DCHS2: variants seen among roughly 807,000 people sequenced by gnomAD.
DCHS2 encodes dachsous cadherin-related 2, also known as protocadherin-23.
A neutral mutation model predicts 182.4 loss-of-function variants in DCHS2; 142 were observed. That is an observed-to-expected ratio of 0.78 (90% CI 0.68 to 0.89). The LOEUF (loss-of-function observed/expected upper bound fraction) is 0.89, where lower values mean the gene tolerates loss of function less well. Ranked by LOEUF, DCHS2 falls within the 40% of genes least tolerant of loss-of-function variation. The probability of loss-of-function intolerance (pLI) is 0.00; values close to 1 mark genes in which losing one functional copy is unlikely to be tolerated. For missense variants in DCHS2, 4,319 were observed against 4,198.6 expected, an observed-to-expected ratio of 1.03 and a Z score of -0.79; for synonymous variants, 1,740 against 1,663.3, an observed-to-expected ratio of 1.05 and a Z score of -1.12.
At chr4:154,306,331 A>T (rs1578943901) in intron 10 of DCHS2, among the ~76,000 whole-genome samples, 1 of 152,252 alleles carries the variant, frequency 6.6e-6, no homozygotes, top group East Asian at 1.9e-4. Context: ...GAGGTCACCA[A>T]AATGTTTCAT....
intron 10 of DCHS2, among the ~76,000 whole-genome samples, chr4:154,307,138 T>C (rs1735467598): frequency 6.6e-6 from 1 of 152,200 alleles, no homozygotes; most frequent in African/African-American, 2.4e-5. Context: ...TATTTTACTA[T>C]GGCTTATTTG....
At chr4:154,398,732 T>C (rs372239874) in intron 1 of DCHS2, among the ~76,000 whole-genome samples, 1 of 152,230 alleles carries the variant, frequency 6.6e-6, no homozygotes, top group South Asian at 2.1e-4. Flanking sequence ...CCAAACTTAC[T>C]GCCGGCCCTA....
rs766017030 is a variant in DCHS2 at position 154,234,771 on chromosome 4, G to A, written c.9881C>T (p.Pro3294Leu). 2.5e-6 allele frequency: 4 copies of A among 1,614,006 alleles called. No homozygotes were observed. The highest frequency in any genetic ancestry group is 3.4e-6 in the Non-Finnish European group (4 of 1,179,924). The change falls in exon 20 of 20, where the codon CCA becomes CTA. Residue 3294 changes from proline (P) to leucine (L), a missense_variant. Physicochemically the swap from Pro to Leu is moderately conservative, Grantham distance 98. Coordinates refer to ENST00000357232, the MANE Select transcript of DCHS2 (RefSeq NM_001358235.2). ...VAQPGIKAVP[P>L]RMPAVNLGQV... Reference sequence around the variant, plus strand: ...CCCCAGGTTTACTGCCGGCATTCTTGGTGGGACTGCTTTAATCCCAGGCTG... The same window carrying A: ...CCCCAGGTTTACTGCCGGCATTCTTAGTGGGACTGCTTTAATCCCAGGCTG...
intron 1 of DCHS2, among the ~76,000 whole-genome samples, chr4:154,430,910 G>C (rs1733533768): frequency 6.6e-6 from 1 of 152,116 alleles, no homozygotes; most frequent in Admixed American, 6.6e-5. Flanking sequence ...GCTCTCTTCT[G>C]TTCCATTGAT....
chr4:154,321,417 G>A (rs1736057687), intron 8 of DCHS2, among the ~76,000 whole-genome samples, 195 bp from the exon 9 acceptor site: 1 of 152,112 alleles, frequency 6.6e-6, no homozygotes, highest in Non-Finnish European at 1.5e-5. Flanking sequence ...ATATTTAGGA[G>A]ATAACAGCTA....
chr4:154,333,174 C>T lies in DCHS2; in HGVS notation c.3034G>A (p.Gly1012Arg). The change falls in exon 5 of 20, where the codon GGA becomes AGA. Residue 1012 changes from glycine (G) to arginine (R), a missense_variant. Coordinates refer to ENST00000357232, the MANE Select transcript of DCHS2 (RefSeq NM_001358235.2). ...CTGGCGATGGAGTACCGGATGAGTCCGTTCCGCCCACTGTCTCTGTCTTCC... is the reference window on the plus strand; with the variant it reads ...CTGGCGATGGAGTACCGGATGAGTCTGTTCCGCCCACTGTCTCTGTCTTCC... ...RAEDRDSGRN[G>R]LIRYSIASPQ... 3 of 1,614,186 alleles carry T rather than the reference C, an allele frequency of 1.9e-6. No individual in the cohort carries two copies. Among genetic ancestry groups the T allele is most frequent in the Non-Finnish European group, 2.5e-6 (3 of 1,180,040 alleles).
At chr4:154,303,109 G>A (rs1735285921) in intron 12 of DCHS2, among the ~76,000 whole-genome samples, 2 of 151,236 alleles carry the variant, frequency 1.3e-5, no homozygotes, top group South Asian at 4.2e-4. Context: ...AGTCTCCCAA[G>A]TAGCTGGGAT....
Position 154,370,535 on chromosome 4 carries a change from T to C in DCHS2, c.2245-4094A>G, listed in dbSNP as rs1730594893. On this transcript the variant is annotated intron_variant, in intron 2 of 19. Coordinates refer to ENST00000357232, the MANE Select transcript of DCHS2 (RefSeq NM_001358235.2). ...CATCCAAAAGAGCTTGATAAATTAA[T>C]GATGCAGGAAAAAAGAGAAAATCAT... 1.3e-5 allele frequency among the ~76,000 whole-genome samples: 2 copies of C among 152,120 alleles called. 1 individual carries two copies. Among genetic ancestry groups the C allele is most frequent in the South Asian group, 4.1e-4 (2 of 4,828 alleles).
In DCHS2 at chr4:154,328,131, T is replaced by C; in HGVS notation, c.3980A>G (p.Glu1327Gly). 2 of 1,609,584 alleles carry C rather than the reference T, an allele frequency of 1.2e-6. No individual in the cohort carries two copies. The highest frequency in any genetic ancestry group is 1.7e-6 in the Non-Finnish European group (2 of 1,177,922). The part of the protein sequence containing the change: ...VTTVFAKDPD[E>G]GNNAEVTYSV... ...GTATGTAACTTCTGCATTATTTCCT[T>C]CATCAGGATCCTTTGCAAACACAGT... Residue 1327 changes from glutamate (E) to glycine (G), a missense_variant, in exon 7 of 20, where the codon GAA (glutamate) becomes GGA (glycine). By Grantham distance (98) the Glu-to-Gly change is moderately conservative. Coordinates refer to ENST00000357232, the MANE Select transcript of DCHS2 (RefSeq NM_001358235.2).
Position 154,329,555 on chromosome 4 carries a change from G to A in DCHS2, c.3886C>T (p.Gln1296Ter). ...TGTAACTCCTTTCCAGGGAGACACT[G>A]GGGGAAGAAGGGCCTGTTATCATTG... ...DINDNRPFFP[Q>*]CLPGKELHVK... Residue 1296 changes from glutamine to a stop codon, truncating the protein, a stop_gained, in exon 6 of 20, where the codon CAG becomes TAG. Coordinates refer to ENST00000357232, the MANE Select transcript of DCHS2 (RefSeq NM_001358235.2). LOFTEE classifies it high-confidence loss of function. The A allele has an allele frequency of 6.2e-7, 1 of 1,613,694 alleles. No individual in the cohort carries two copies. The highest frequency in any genetic ancestry group is 8.5e-7 in the Non-Finnish European group (1 of 1,179,892).
chr4:154,396,988 G>C (rs1373973904), intron 1 of DCHS2, among the ~76,000 whole-genome samples: 3 of 152,128 alleles, frequency 2.0e-5, no homozygotes, highest in Non-Finnish European at 4.4e-5. Flanking sequence ...GAATTGGTAG[G>C]AATAATAGCC....
At chr4:154,344,363 G>A (rs1338318907) in intron 3 of DCHS2, among the ~76,000 whole-genome samples, 1 of 152,166 alleles carries the variant, frequency 6.6e-6, no homozygotes, top group Non-Finnish European at 1.5e-5. Context: ...ACAATGAAGT[G>A]GGGTATGTCT....
intron 15 of DCHS2, among the ~76,000 whole-genome samples, chr4:154,258,367 C>CT (rs771510956): frequency 0.088 from 5,220 of 59,024 alleles, 448 homozygotes; most frequent in African/African-American, 0.15. Context: ...AAAAGAAAGG[C>CT]TTTTTTTTTT....
intron 12 of DCHS2, among the ~76,000 whole-genome samples, chr4:154,299,603 T>C (rs1002452393): frequency 6.6e-6 from 1 of 151,984 alleles, no homozygotes; most frequent in African/African-American, 2.4e-5. Context: ...ATAGGTAGCT[T>C]TAGGGAGGAG....
intron 1 of DCHS2, among the ~76,000 whole-genome samples, chr4:154,481,293 GCT>G (rs1190689498): frequency 6.6e-6 from 1 of 152,090 alleles, no homozygotes; most frequent in African/African-American, 2.4e-5. Context: ...ACAGGGTCTT[GCT>G]CTGTCACCCA....
intron 1 of DCHS2, among the ~76,000 whole-genome samples, chr4:154,420,190 GA>G (rs973677064): frequency 3.3e-5 from 5 of 150,486 alleles, no homozygotes; most frequent in Admixed American, 6.6e-5. Flanking sequence ...GAAGAAGTGA[GA>G]AAAAAAAGGA....
chr4:154,412,639 G>A (rs1199169946), intron 1 of DCHS2, among the ~76,000 whole-genome samples: 1 of 152,098 alleles, frequency 6.6e-6, no homozygotes. Flanking sequence ...ATCAAACATA[G>A]CTTTATAGGA....
rs916559243 is a variant in DCHS2 at position 154,234,123 on chromosome 4, A to T, written c.*413T>A. Reference sequence around the variant, plus strand: ...CTGCTATATGTTCTGACCTAAACTCATTCTCCATTTAGCCTTTACTAGTTT... The same window carrying T: ...CTGCTATATGTTCTGACCTAAACTCTTTCTCCATTTAGCCTTTACTAGTTT... On this transcript the variant is annotated 3_prime_UTR_variant, in exon 20 of 20. Transcript: ENST00000357232. 1.3e-5 allele frequency: 2 copies of T among 157,778 alleles called. No homozygotes were observed. Among genetic ancestry groups the T allele is most frequent in the Non-Finnish European group, 2.8e-5 (2 of 71,966 alleles). The allele number at this position is 157,778 out of a possible 1,614,324, so 9.8% of individuals were successfully genotyped here. A position where few individuals can be genotyped will look rare whatever the true frequency, so the allele number is the denominator to read the frequency against.
At chr4:154,266,333 T>G (rs1472841683) in intron 14 of DCHS2, among the ~76,000 whole-genome samples, 2 of 135,132 alleles carry the variant, frequency 1.5e-5, no homozygotes, top group East Asian at 2.0e-4. Flanking sequence ...GTTTTTTTTT[T>G]GTTGTTTGTT....
Sources: gnomAD v4.1 joint callset for allele counts (sites outside exome capture counted in the v4.1 genomes callset) on GRCh38, gnomAD v4.1.1 for gene constraint, MANE v1.5 for transcripts, NCBI Gene and HGNC (gene_info 2026-07-23, HGNC 2026-07-21) for gene names.